IL18RAP: variants seen among roughly 807,000 people sequenced by gnomAD.
IL18RAP encodes the protein interleukin-18 receptor accessory protein.
In IL18RAP, 37 loss-of-function variants were observed where a neutral mutation model predicts 58.1. The ratio of observed to expected loss-of-function variants is 0.64; its 90% CI spans 0.49 to 0.84. The LOEUF (loss-of-function observed/expected upper bound fraction) is 0.84, where lower values mean the gene tolerates loss of function less well. Among genes scored for constraint, IL18RAP ranks in the 40% least tolerant of loss-of-function variants. IL18RAP has a pLI of 0.00. For synonymous variants in IL18RAP, 268 were observed against 257.5 expected (o/e 1.04, Z -0.39); for missense variants, 667 against 704.8 (o/e 0.95, Z 0.61).
chr2:102,450,890 G>A lies in IL18RAP; in HGVS notation c.1253G>A (p.Ser418Asn). 2 of 1,609,772 alleles carry A rather than the reference G, an allele frequency of 1.2e-6. No homozygotes were observed. Among genetic ancestry groups the A allele is most frequent in the Admixed American group, 1.7e-5 (1 of 59,144 alleles). Residue 418 changes from serine (S) to asparagine (N), a missense_variant, in exon 9 of 10, where the codon AGC becomes AAC. Ser to Asn is a conservative substitution (Grantham distance 46). Transcript: ENST00000687160. Reference sequence around the variant, plus strand: ...GCTTTCGTATCCTATGCAAAATGGAGCTCTTTTCCAAGTGAGGCCACTTCA... The same window carrying A: ...GCTTTCGTATCCTATGCAAAATGGAACTCTTTTCCAAGTGAGGCCACTTCA... ...FDAFVSYAKW[S>N]SFPSEATSSL...
chr2:102,447,232 C>T (rs772467831), intron 8 of IL18RAP, 25 bp downstream of exon 8: 1 of 1,605,256 alleles, frequency 6.2e-7, no homozygotes, highest in Non-Finnish European at 8.5e-7. Context: ...ACATGCAGCC[C>T]TCTGACTTTT....
Position 102,424,266 on chromosome 2 carries a change from T to C in IL18RAP, c.431T>C (p.Ile144Thr), listed in dbSNP as rs1359318508. The C allele has an allele frequency of 6.8e-6, 11 of 1,614,022 alleles. No individual in the cohort carries two copies. The highest frequency in any genetic ancestry group is 2.2e-5 in the South Asian group (2 of 91,092). Residue 144 changes from isoleucine (I) to threonine (T), a missense_variant, in exon 3 of 10, where the codon ATT (isoleucine) becomes ACT (threonine). Ile to Thr is a moderately conservative substitution (Grantham distance 89). Transcript: ENST00000687160. ...PYDVACCVKMILEVKPQTNAS... is the reference protein window; with the variant it reads ...PYDVACCVKMTLEVKPQTNAS... ...GATGTAGCCTGTTGTGTCAAGATGA[T>C]TTTAGAAGTTAAGCCCCAGACAAAT...
At chr2:102,437,522 C>T (rs1177863754) in intron 4 of IL18RAP, among the ~76,000 whole-genome samples, 160 bp downstream of exon 4, 2 of 152,114 alleles carry the variant, frequency 1.3e-5, no homozygotes, top group African/African-American at 4.8e-5. Flanking sequence ...AGTTGCCATC[C>T]CCCAGGGAAG....
At position 102,423,686 on chromosome 2, in the gene IL18RAP, A is replaced by G. The variant is rs1573259421; in HGVS notation, c.71-125A>G. ...GCACTTCCTTTCCCCTACAAAATAG[A>G]CAGTGAAGAAGAAAGACACACAAGG... is the stretch of plus-strand genomic sequence containing the variant. On this transcript the variant is annotated intron_variant, in intron 1 of 9. Transcript: ENST00000687160. The G allele has an allele frequency of 4.1e-6, 3 of 738,476 alleles. No homozygotes were observed. The East Asian group carries it at 8.0e-5, about 20-fold the overall frequency. 45.7% of individuals were successfully genotyped at this position (738,476 alleles called of 1,614,324 possible).
intron 3 of IL18RAP, among the ~76,000 whole-genome samples, chr2:102,428,379 G>GTTTT (rs57882228): frequency 4.1e-5 from 6 of 145,912 alleles, no homozygotes; most frequent in African/African-American, 1.3e-4. Flanking sequence ...CCTTTTGTTA[G>GTTTT]TTTTTTTTTT....
In IL18RAP at chr2:102,452,231, C is replaced by T. The variant is rs761063480; in HGVS notation, c.*50C>T. On this transcript the variant is annotated 3_prime_UTR_variant, in exon 10 of 10. Coordinates refer to ENST00000687160, the MANE Select transcript of IL18RAP (RefSeq NM_001393487.1). ...TCCAGTCCCTGGGATAGAGATGTTGCTGGACAGAACTCACAGCTCTGTGTG... is the reference window on the plus strand; with the variant it reads ...TCCAGTCCCTGGGATAGAGATGTTGTTGGACAGAACTCACAGCTCTGTGTG... 174 of 1,486,692 alleles carry T rather than the reference C, an allele frequency of 1.2e-4. No individual in the cohort carries two copies. The highest frequency in any genetic ancestry group is 2.6e-4 in the Admixed American group (12 of 45,794). The allele number at this position is 1,486,692 out of a possible 1,614,324, so 92.1% of individuals were successfully genotyped here. A position where few individuals can be genotyped will look rare whatever the true frequency, so the allele number is the denominator to read the frequency against.
In IL18RAP at chr2:102,445,207, G is replaced by A. The variant is rs747239673; in HGVS notation, c.939G>A (p.Lys313=). Reference sequence around the variant, plus strand: ...TTCTCAGTATTAAATCCACTTTAAAGGATGAAATCATTGAGCGTAATATCA... The same window carrying A: ...TTCTCAGTATTAAATCCACTTTAAAAGATGAAATCATTGAGCGTAATATCA... The part of the protein sequence containing the change: ...PEAKSIKSTL[K]DEIIERNIIL... Residue 313 remains lysine (K), a synonymous_variant, in exon 7 of 10, where the codon AAG becomes AAA. Transcript: ENST00000687160. 4 of 1,613,894 alleles carry A rather than the reference G, an allele frequency of 2.5e-6. No homozygotes were observed. The highest frequency in any genetic ancestry group is 1.7e-5 in the Admixed American group (1 of 60,014).
In IL18RAP at chr2:102,450,937, G is replaced by A; in HGVS notation, c.1300G>A (p.Ala434Thr). ...TTCATCTCTGAGTGAAGAACACTTG[G>A]CCCTGAGCCTATTTCCTGATGTTTT... ...ATSSLSEEHLALSLFPDVLEN... is the reference protein window; with the variant it reads ...ATSSLSEEHLTLSLFPDVLEN... The change falls in exon 9 of 10, where the codon GCC (alanine) becomes ACC (threonine). Residue 434 changes from alanine to threonine, a missense_variant. Coordinates refer to ENST00000687160, the MANE Select transcript of IL18RAP (RefSeq NM_001393487.1). The A allele has an allele frequency of 6.2e-7, 1 of 1,612,208 alleles. No homozygotes were observed. Among genetic ancestry groups the A allele is most frequent in the Non-Finnish European group, 8.5e-7 (1 of 1,179,168 alleles).
At chr2:102,436,634 A>T (rs1433464041) in intron 3 of IL18RAP, among the ~76,000 whole-genome samples, 1 of 151,798 alleles carries the variant, frequency 6.6e-6, no homozygotes, top group Non-Finnish European at 1.5e-5. Flanking sequence ...CCAGAAAAAA[A>T]TGAGGTTGAT....
chr2:102,424,220 T>C lies in IL18RAP; in HGVS notation c.396-11T>C. On this transcript the variant is annotated splice_polypyrimidine_tract_variant and intron_variant, in intron 2 of 9. Coordinates refer to ENST00000687160, the MANE Select transcript of IL18RAP (RefSeq NM_001393487.1). ...AATATCTATGTTCACAGGATCTTGT[T>C]AATTTCCTAGGAGCCCCTATGATGT... 6.2e-7 allele frequency: 1 copy of C among 1,613,134 alleles called. No individual in the cohort carries two copies.
chr2:102,447,463 G>A (rs1315587661), intron 8 of IL18RAP, among the ~76,000 whole-genome samples: 1 of 152,168 alleles, frequency 6.6e-6, no homozygotes, highest in African/African-American at 2.4e-5. Flanking sequence ...ACTGAGGAAG[G>A]CTGGAGAAAC....
At chr2:102,442,440 CTA>C (rs577207006) in intron 5 of IL18RAP, among the ~76,000 whole-genome samples, 274 of 151,944 alleles carry the variant, frequency 1.8e-3, no homozygotes, top group African/African-American at 6.2e-3. Context: ...ATAGCACTAA[CTA>C]TGTGCTCAAC....
At chr2:102,421,655 C>G (rs1485741284), upstream of IL18RAP, among the ~76,000 whole-genome samples, 1 of 152,172 alleles carries the variant, frequency 6.6e-6, no homozygotes. Context: ...TAACACCTAT[C>G]CGTGGCATTC....
rs190552933 is a variant in IL18RAP at position 102,450,843 on chromosome 2, T to C, written c.1211-5T>C. ...TATGTTTTTATAAATTTTCCTATTC[T>C]TCAGATAAAAAGGATTTTGATGCTT... On this transcript the variant is annotated splice_region_variant and splice_polypyrimidine_tract_variant and intron_variant, in intron 8 of 9. Transcript: ENST00000687160. 5.1e-6 allele frequency: 8 copies of C among 1,568,628 alleles called. No individual in the cohort carries two copies. In the East Asian group the frequency reaches 1.1e-4, roughly 22 times the overall value.
intron 3 of IL18RAP, 96 bp downstream of exon 3, chr2:102,424,510 G>T: frequency 9.0e-7 from 1 of 1,117,138 alleles, no homozygotes; most frequent in East Asian, 2.4e-5. Flanking sequence ...AGAATCTGAG[G>T]TATACAGCTT....
In IL18RAP at chr2:102,452,250, C is replaced by A. The variant is rs1419012733; in HGVS notation, c.*69C>A. ...ATGTTGCTGGACAGAACTCACAGCT[C>A]TGTGTGTGTGTGTTCAGGCTGATAG... On this transcript the variant is annotated 3_prime_UTR_variant, in exon 10 of 10. Transcript: ENST00000687160. The A allele has an allele frequency of 4.3e-6, 6 of 1,398,842 alleles. No individual in the cohort carries two copies. The highest frequency in any genetic ancestry group is 5.8e-6 in the Non-Finnish European group (6 of 1,026,722). 86.7% of individuals were successfully genotyped at this position (1,398,842 alleles called of 1,614,324 possible). A position where few individuals can be genotyped will look rare whatever the true frequency, so the allele number is the denominator to read the frequency against.
At chr2:102,440,149 A>T (rs1380666253) in intron 4 of IL18RAP, 1 of 152,296 alleles carries the variant, frequency 6.6e-6, no homozygotes, top group Non-Finnish European at 1.5e-5. Flanking sequence ...GAGTAAACTT[A>T]CTACCCAGGG....
At chr2:102,421,811 G>A (rs1452064065), upstream of IL18RAP, among the ~76,000 whole-genome samples, 1 of 152,092 alleles carries the variant, frequency 6.6e-6, no homozygotes, top group African/African-American at 2.4e-5. Context: ...AAGTGGTCTG[G>A]GCAGACTTTC....
chr2:102,436,475 C>T (rs1486044957), intron 3 of IL18RAP, among the ~76,000 whole-genome samples: 1 of 152,170 alleles, frequency 6.6e-6, no homozygotes, highest in Non-Finnish European at 1.5e-5. Flanking sequence ...CACTCTGCCC[C>T]CACCCTTAGT....
Sources: allele counts gnomAD v4.1 joint callset (sites outside exome capture counted in the v4.1 genomes callset), GRCh38; gene constraint gnomAD v4.1.1; transcripts MANE v1.5; gene names NCBI Gene and HGNC (gene_info 2026-07-23, HGNC 2026-07-21).